IL1RAPL2: variants seen among roughly 807,000 people sequenced by gnomAD.
IL1RAPL2 encodes the protein X-linked interleukin-1 receptor accessory protein-like 2.
A neutral mutation model predicts 44.1 loss-of-function variants in IL1RAPL2; 3 were observed. The observed-to-expected ratio is 0.07, with a 90% CI of 0.03 to 0.18. IL1RAPL2 has a LOEUF of 0.18. Among genes scored for constraint, IL1RAPL2 ranks in the 10% least tolerant of loss-of-function variants. The probability of loss-of-function intolerance (pLI) is 1.00; values close to 1 mark genes in which losing one functional copy is unlikely to be tolerated. For synonymous variants in IL1RAPL2, 181 were observed against 178.8 expected, an observed-to-expected ratio of 1.01 and a Z score of -0.10; for missense variants, 391 against 496.4, an observed-to-expected ratio of 0.79 and a Z score of 2.02.
chrX:105,095,558 A>AT (rs905100273), intron 2 of IL1RAPL2, among the ~76,000 whole-genome samples: 4 of 110,689 alleles, frequency 3.6e-5, no homozygotes, highest in Non-Finnish European at 5.7e-5. Flanking sequence ...ATCTATGTCA[A>AT]TTTTTTTTTA....
intron 2 of IL1RAPL2, among the ~76,000 whole-genome samples, chrX:104,714,755 T>C (rs921056570): frequency 9.0e-6 from 1 of 111,467 alleles, no homozygotes; most frequent in African/African-American, 3.3e-5. Flanking sequence ...TTTTTGTCTT[T>C]AGCTCTCTTT....
chrX:104,770,951 G>T lies in IL1RAPL2; in HGVS notation c.82+111956G>T, dbSNP rs753902124. On this transcript the variant is annotated intron_variant, in intron 2 of 10. Coordinates refer to ENST00000372582, the MANE Select transcript of IL1RAPL2 (RefSeq NM_017416.2). ...TCACTTATTTTGATGACCATCCAAG[G>T]GAGTGAATACTTCTAAAATGCCCAG... Among the ~76,000 whole-genome samples, 174 of 111,361 alleles carry T rather than the reference G, an allele frequency of 1.6e-3. 1 individual carries two copies. The highest frequency in any genetic ancestry group is 5.3e-3 in the African/African-American group (163 of 30,670).
chrX:105,012,674 C>CACAGAGAG (rs1258556672), intron 2 of IL1RAPL2, among the ~76,000 whole-genome samples: 11 of 81,260 alleles, frequency 1.4e-4, no homozygotes, highest in African/African-American at 5.9e-4. Flanking sequence ...CACACACACA[C>CACAGAGAG]AGAGAGAGAG....
intron 2 of IL1RAPL2, among the ~76,000 whole-genome samples, chrX:104,843,044 T>C (rs1369292986): frequency 4.5e-5 from 5 of 111,798 alleles, no homozygotes; most frequent in Admixed American, 1.9e-4. Flanking sequence ...CCCAGGGAGA[T>C]GAGAGTTTTA....
At chrX:104,814,626 C>T (rs1039918845) in intron 2 of IL1RAPL2, among the ~76,000 whole-genome samples, 3 of 111,948 alleles carry the variant, frequency 2.7e-5, no homozygotes, top group African/African-American at 9.7e-5. Context: ...TATTAAAAGA[C>T]AGTAGAATTT....
intron 5 of IL1RAPL2, among the ~76,000 whole-genome samples, chrX:105,473,286 A>G (rs755084620): frequency 2.1e-4 from 23 of 111,841 alleles, no homozygotes; most frequent in South Asian, 3.7e-4. Flanking sequence ...GCTTGTTGTC[A>G]TGTAAACAAA....
intron 1 of IL1RAPL2, among the ~76,000 whole-genome samples, chrX:104,568,174 G>A (rs1460286698): frequency 9.0e-6 from 1 of 110,681 alleles, no homozygotes; most frequent in Non-Finnish European, 1.9e-5. Context: ...ACCTTCAATC[G>A]AATGTGTAGA....
At chrX:105,545,551 T>C (rs889343496) in intron 6 of IL1RAPL2, among the ~76,000 whole-genome samples, 2 of 112,118 alleles carry the variant, frequency 1.8e-5, no homozygotes, top group East Asian at 2.8e-4. Context: ...CATGCGAGAA[T>C]TGGGCTGAGT....
At chrX:104,595,202 A>G (rs1230139453) in intron 1 of IL1RAPL2, among the ~76,000 whole-genome samples, 1 of 110,986 alleles carries the variant, frequency 9.0e-6, no homozygotes, top group Non-Finnish European at 1.9e-5. Flanking sequence ...GAGAAATGTC[A>G]GATTTGGGAG....
At chrX:105,078,620 T>C (rs1275446861) in intron 2 of IL1RAPL2, among the ~76,000 whole-genome samples, 1 of 112,783 alleles carries the variant, frequency 8.9e-6, no homozygotes, top group Non-Finnish European at 1.9e-5. Context: ...GTCTGTGCCC[T>C]GCCCCCAGAG....
At chrX:104,880,573 A>T (rs1243406977) in intron 2 of IL1RAPL2, among the ~76,000 whole-genome samples, 1 of 111,586 alleles carries the variant, frequency 9.0e-6, no homozygotes, top group Non-Finnish European at 1.9e-5. Flanking sequence ...TTACTTGTTT[A>T]TTTCCATCAT....
intron 6 of IL1RAPL2, among the ~76,000 whole-genome samples, chrX:105,631,414 C>T (rs1458714162): frequency 1.8e-5 from 2 of 112,077 alleles, no homozygotes; most frequent in Admixed American, 9.5e-5. Context: ...CATCCATCAT[C>T]CCATCTGGTC....
At chrX:104,782,879 C>G (rs1276248725) in intron 2 of IL1RAPL2, among the ~76,000 whole-genome samples, 1 of 111,875 alleles carries the variant, frequency 8.9e-6, no homozygotes, top group East Asian at 2.8e-4. Flanking sequence ...TATAGATGCT[C>G]TCCCATAGTG....
At chrX:105,753,552 C>T (rs893067276) in intron 9 of IL1RAPL2, among the ~76,000 whole-genome samples, 15 of 111,231 alleles carry the variant, frequency 1.3e-4, no homozygotes, top group Non-Finnish European at 2.8e-4. Flanking sequence ...GTATCCTGCA[C>T]GTGATTGGAA....
At chrX:105,747,533 T>TACAC (rs1435383783) in intron 8 of IL1RAPL2, among the ~76,000 whole-genome samples, 1 of 90,602 alleles carries the variant, frequency 1.1e-5, no homozygotes, top group African/African-American at 4.1e-5. Context: ...TATATATATA[T>TACAC]ATACACACAC....
At chrX:105,394,456 G>T (rs750942641) in intron 5 of IL1RAPL2, among the ~76,000 whole-genome samples, 1 of 111,130 alleles carries the variant, frequency 9.0e-6, no homozygotes, top group African/African-American at 3.3e-5. Flanking sequence ...ACCCTTCTTT[G>T]AGAGTCAACT....
chrX:105,218,515 A>G (rs138252078), intron 3 of IL1RAPL2, among the ~76,000 whole-genome samples: 3,292 of 111,071 alleles, frequency 0.03, 125 homozygotes, highest in African/African-American at 0.1. Flanking sequence ...CCAATCATCT[A>G]AGGCCTAGAT....
At chrX:104,942,705 G>T (rs1282752506) in intron 2 of IL1RAPL2, among the ~76,000 whole-genome samples, 1 of 110,970 alleles carries the variant, frequency 9.0e-6, no homozygotes. Context: ...CTGCCTGATT[G>T]CCCTGGCCAG....
intron 5 of IL1RAPL2, among the ~76,000 whole-genome samples, chrX:105,451,977 T>C (rs1477581215): frequency 9.0e-6 from 1 of 111,393 alleles, no homozygotes; most frequent in South Asian, 3.7e-4. Flanking sequence ...AATATAAATA[T>C]AGTCACGTGG....
Sources: allele counts gnomAD v4.1 joint callset (sites outside exome capture counted in the v4.1 genomes callset), GRCh38; gene constraint gnomAD v4.1.1; transcripts MANE v1.5; gene names NCBI Gene and HGNC (gene_info 2026-07-23, HGNC 2026-07-21).